Variants in SLC11A2 observed in about 807,000 individuals in gnomAD.
SLC11A2 encodes solute carrier family 11 member 2.
In SLC11A2, 38 loss-of-function variants were observed where a neutral mutation model predicts 68.0. That is an observed-to-expected ratio of 0.56 (90% CI 0.43 to 0.73). The LOEUF is 0.73. Ranked by LOEUF, SLC11A2 falls within the 30% of genes least tolerant of loss-of-function variation. The pLI is 0.00. For missense variants in SLC11A2, 517 were observed against 690.5 expected (o/e 0.75, Z 2.82); for synonymous variants, 242 against 250.6 (o/e 0.97, Z 0.32).
chr12:51,009,438 T>C, intron 2 of SLC11A2: 2 of 282,028 alleles, frequency 7.1e-6, no homozygotes, highest in Non-Finnish European at 1.1e-5. Flanking sequence ...CTAGTTTGCT[T>C]CAGCCATCAA....
Position 50,988,303 on chromosome 12 carries a change from C to A in SLC11A2, c.*22G>T. ...ACACACTGGCTCTGATGGCTACCTG[C>A]AGAAGACAGACTAATCCAGTGTTAT... On this transcript the variant is annotated 3_prime_UTR_variant, in exon 16 of 16. Transcript: ENST00000262052. 6.2e-7 allele frequency: 1 copy of A among 1,613,818 alleles called. No homozygotes were observed. The highest frequency in any genetic ancestry group is 1.1e-5 in the South Asian group (1 of 91,078).
chr12:50,965,951 G>A, the SLC11A2 span, among the ~76,000 whole-genome samples: 1 of 152,148 alleles, frequency 6.6e-6, no homozygotes, highest in Admixed American at 6.5e-5. Flanking sequence ...CTTTATTGTG[G>A]TGATTCAAGT....
In SLC11A2 at chr12:50,986,758, T is replaced by C; in HGVS notation, c.*1567A>G. 7.8e-7 allele frequency: 1 copy of C among 1,287,152 alleles called. No homozygotes were observed. The highest frequency in any genetic ancestry group is 1.0e-6 in the Non-Finnish European group (1 of 988,676). 79.7% of individuals were successfully genotyped at this position (1,287,152 alleles called of 1,614,324 possible). On this transcript the variant is annotated 3_prime_UTR_variant, in exon 16 of 16. Coordinates refer to ENST00000262052, the MANE Select transcript of SLC11A2 (RefSeq NM_000617.3). The stretch of plus-strand genomic sequence containing the variant: ...CATTCATAACTCTGTGCTATATTAC[T>C]TGAGGGGCTAAGAAAAATGTATGGT...
At chr12:50,980,616 C>CTAA (rs1320889598), downstream of SLC11A2, 2 of 152,122 alleles carry the variant, frequency 1.3e-5, no homozygotes, top group African/African-American at 4.8e-5. Context: ...GATATGTGGA[C>CTAA]TAATATTCCA....
the SLC11A2 span, among the ~76,000 whole-genome samples, chr12:50,955,031 C>G: frequency 6.6e-6 from 1 of 152,122 alleles, no homozygotes; most frequent in African/African-American, 2.4e-5. Context: ...GTGGCTCACT[C>G]CTGTAATCCC....
downstream of SLC11A2, among the ~76,000 whole-genome samples, chr12:50,974,613 T>C (rs1048579487): frequency 3.3e-5 from 5 of 152,176 alleles, no homozygotes; most frequent in Non-Finnish European, 5.9e-5. Context: ...AACATCATAA[T>C]GACAGGATCA....
At chr12:51,000,015 T>A (rs1454878139) in intron 6 of SLC11A2, among the ~76,000 whole-genome samples, 1 of 149,020 alleles carries the variant, frequency 6.7e-6, no homozygotes, top group African/African-American at 2.6e-5. Context: ...CTCAAAAAAA[T>A]AAATAAATAA....
downstream of SLC11A2, among the ~76,000 whole-genome samples, chr12:50,975,285 A>G (rs1565966577): frequency 6.6e-6 from 1 of 152,126 alleles, no homozygotes; most frequent in Non-Finnish European, 1.5e-5. Flanking sequence ...ATTATAACAA[A>G]CTGTCTCTCA....
chr12:50,994,818 C>A (rs1592335566), intron 10 of SLC11A2, 188 bp from the exon 11 acceptor site: 1 of 47,246 alleles, frequency 2.1e-5, no homozygotes, highest in Non-Finnish European at 4.9e-5. Flanking sequence ...TCCTTCTACA[C>A]CCACAGGTCA....
At chr12:51,024,522 CA>C (rs1026863055) in intron 1 of SLC11A2, 3 of 152,212 alleles carry the variant, frequency 2.0e-5, no homozygotes, top group Non-Finnish European at 4.4e-5. Context: ...ACTAAAAATA[CA>C]AAAAAAATTC....
downstream of SLC11A2, chr12:50,981,627 A>C: frequency 2.5e-6 from 2 of 800,554 alleles, no homozygotes; most frequent in Non-Finnish European, 4.2e-6. Context: ...AAAACGTCTG[A>C]ACAAAACTCA....
chr12:50,996,928 C>T lies in SLC11A2; in HGVS notation c.720G>A (p.Met240Ile). 1 of 1,614,068 alleles carries T rather than the reference C, an allele frequency of 6.2e-7. No homozygotes were observed. The highest frequency in any genetic ancestry group is 8.5e-7 in the Non-Finnish European group (1 of 1,179,954). ...KPSQSQVLKG[M>I]FVPSCSGCRT... ...GACAGCCTGAACAGGATGGTACGAA[C>T]ATGCCCTTGAGTACCTGGCTCTGGC... The change falls in exon 9 of 16, where the codon ATG becomes ATA. Residue 240 changes from methionine (M) to isoleucine (I), a missense_variant. Met to Ile is a conservative substitution (Grantham distance 10, BLOSUM62 1). Coordinates refer to ENST00000262052, the MANE Select transcript of SLC11A2 (RefSeq NM_000617.3).
At chr12:51,017,224 A>G (rs997852960) in intron 1 of SLC11A2, among the ~76,000 whole-genome samples, 15 of 152,182 alleles carry the variant, frequency 9.9e-5, no homozygotes, top group African/African-American at 2.9e-4. Context: ...AAAAGACTGT[A>G]AACAACCTTG....
At chr12:50,996,482 C>A (rs1443370118) in intron 9 of SLC11A2, among the ~76,000 whole-genome samples, 1 of 150,834 alleles carries the variant, frequency 6.6e-6, no homozygotes, top group African/African-American at 2.4e-5. Flanking sequence ...GGCTGAGGCA[C>A]GAGAATCACT....
chr12:51,008,974 C>T, intron 2 of SLC11A2: 1 of 652,736 alleles, frequency 1.5e-6, no homozygotes, highest in Non-Finnish European at 2.7e-6. Context: ...TTTCATTTTC[C>T]TCTAAAAACA....
the SLC11A2 span, among the ~76,000 whole-genome samples, chr12:50,963,259 A>G: frequency 1.3e-5 from 2 of 150,908 alleles, no homozygotes; most frequent in African/African-American, 4.9e-5. Flanking sequence ...AATCCCAGCT[A>G]CTCAGGAGGC....
In SLC11A2 at chr12:50,991,621, T is replaced by A. The variant is rs776677707; in HGVS notation, c.1399A>T (p.Met467Leu). The A allele has an allele frequency of 2.5e-6, 4 of 1,613,834 alleles. No homozygotes were observed. Among genetic ancestry groups the A allele is most frequent in the Non-Finnish European group, 3.4e-6 (4 of 1,179,944 alleles). The change falls in exon 14 of 16, where the codon ATG becomes TTG. Residue 467 changes from methionine to leucine, a missense_variant. By Grantham distance (15) the Met-to-Leu change is conservative (BLOSUM62 2). Coordinates refer to ENST00000262052, the MANE Select transcript of SLC11A2 (RefSeq NM_000617.3). ...CACAGTCCATTGGCAAAGTCACTCA[T>A]TACTGGCCGCAAGCTCGTAAATGTG... ...ILTFTSLRPV[M>L]SDFANGLGWR...
At chr12:51,008,661 T>C in intron 2 of SLC11A2, 37 bp from the exon 3 acceptor site, 1 of 1,529,370 alleles carries the variant, frequency 6.5e-7, no homozygotes, top group African/African-American at 1.4e-5. Flanking sequence ...TAGTAAAAAA[T>C]GAACAAAATA....
At chr12:50,988,593 C>T (rs1940833551) in intron 15 of SLC11A2, among the ~76,000 whole-genome samples, 158 bp from the exon 16 acceptor site, 1 of 152,328 alleles carries the variant, frequency 6.6e-6, no homozygotes, top group African/African-American at 2.4e-5. Context: ...CTCAACCCCA[C>T]TCCCCCTTCA....
Sources: allele counts gnomAD v4.1 joint callset (sites outside exome capture counted in the v4.1 genomes callset), GRCh38; gene constraint gnomAD v4.1.1; transcripts MANE v1.5; gene names NCBI Gene and HGNC (gene_info 2026-07-23, HGNC 2026-07-21).